Variants in PSG2 observed in about 807,000 individuals in gnomAD.
The protein encoded by PSG2 is pregnancy specific beta-1-glycoprotein 2, also known as pregnancy-specific beta-1-glycoprotein 2.
A neutral mutation model predicts 36.2 loss-of-function variants in PSG2; 49 were observed. That is an observed-to-expected ratio of 1.35 (90% CI 1.08 to 1.72). The LOEUF (loss-of-function observed/expected upper bound fraction) is 1.72. Among genes scored for constraint, PSG2 ranks in the 40% most tolerant of loss-of-function variants. The pLI is 0.00. For missense variants in PSG2, 605 were observed against 407.2 expected, an observed-to-expected ratio of 1.49 and a Z score of -4.18; for synonymous variants, 261 against 155.6, an observed-to-expected ratio of 1.68 and a Z score of -5.04.
At chr19:43,076,153 C>T (rs1967893010) in intron 2 of PSG2, among the ~76,000 whole-genome samples, 1 of 151,802 alleles carries the variant, frequency 6.6e-6, no homozygotes, top group Non-Finnish European at 1.5e-5. Flanking sequence ...GCATAAATAA[C>T]ACAGGGGAGA....
intron 3 of PSG2, chr19:43,072,558 T>A (rs1249260489): frequency 4.3e-6 from 7 of 1,611,380 alleles, no homozygotes; most frequent in East Asian, 2.2e-5. Flanking sequence ...GGTTCACAGG[T>A]GAAGGCTAAT....
chr19:43,073,347 G>A (rs4302150), intron 3 of PSG2, among the ~76,000 whole-genome samples: 1 of 151,462 alleles, frequency 6.6e-6, no homozygotes, highest in Admixed American at 6.6e-5. Flanking sequence ...TGGAGCAGAA[G>A]CATGTTCCCT....
At chr19:43,070,566 A>G (rs1261874354) in intron 4 of PSG2, among the ~76,000 whole-genome samples, 1 of 151,782 alleles carries the variant, frequency 6.6e-6, no homozygotes, top group Non-Finnish European at 1.5e-5. Flanking sequence ...AACCTTGAAG[A>G]TATTATGCTA....
chr19:43,071,100 C>T (rs1282393143), intron 4 of PSG2, among the ~76,000 whole-genome samples: 2 of 151,472 alleles, frequency 1.3e-5, no homozygotes, highest in Non-Finnish European at 2.9e-5. Flanking sequence ...GGAGGCTTGG[C>T]TTCAACTGGC....
chr19:43,079,684 G>C (rs1455874630), intron 2 of PSG2, among the ~76,000 whole-genome samples: 1 of 151,628 alleles, frequency 6.6e-6, no homozygotes, highest in African/African-American at 2.4e-5. Context: ...GCCTGCTCAT[G>C]TTTTTTGCAC....
chr19:43,071,728 GC>G lies in PSG2; in HGVS notation c.935del (p.Ser312ThrfsTer5), dbSNP rs1227303437. 5 of 1,612,856 alleles carry G rather than the reference GC, an allele frequency of 3.1e-6. No individual in the cohort carries two copies. The African/African-American group carries it at 6.7e-5, about 22-fold the overall frequency. On this transcript the variant is annotated frameshift_variant, in exon 4 of 6. Transcript: ENST00000406487. LOFTEE classifies it high-confidence loss of function. Reference protein sequence around the residue: ...SVRNSATGEESSTSLTVKVSA... With the variant: ...SVRNSATGEEXSTSLTVKVSA... ...AGACTTTGACTGTCAACGATGTGGA[GC>G]TTTCCTCGCCAGTGGCTGAGTTACG...
chr19:43,068,684 A>G (rs1464758552), intron 4 of PSG2, among the ~76,000 whole-genome samples: 1 of 151,668 alleles, frequency 6.6e-6, no homozygotes, highest in Non-Finnish European at 1.5e-5. Flanking sequence ...ATATTTTTTC[A>G]TAAGAAAAAC....
chr19:43,077,625 T>G (rs140825968), intron 2 of PSG2, among the ~76,000 whole-genome samples: 3,097 of 151,724 alleles, frequency 0.02, 139 homozygotes, highest in East Asian at 0.096. Flanking sequence ...GCACAGGCAG[T>G]AAAACCATCA....
At chr19:43,066,022 G>A (rs1456078622) in intron 5 of PSG2, 2 of 158,154 alleles carry the variant, frequency 1.3e-5, no homozygotes, top group Admixed American at 6.0e-5. Flanking sequence ...GAAGTGAGAA[G>A]CCTTAGTAAA....
At chr19:43,067,352 C>T (rs1967754066) in intron 4 of PSG2, among the ~76,000 whole-genome samples, 1 of 151,278 alleles carries the variant, frequency 6.6e-6, no homozygotes, top group African/African-American at 2.4e-5. Flanking sequence ...TAAATACTAA[C>T]ATACCAGGCT....
At chr19:43,077,263 G>A (rs1436216943) in intron 2 of PSG2, among the ~76,000 whole-genome samples, 1 of 151,630 alleles carries the variant, frequency 6.6e-6, no homozygotes, top group Non-Finnish European at 1.5e-5. Flanking sequence ...GAAATTAGCA[G>A]CTCCTTAAGT....
In PSG2 at chr19:43,068,399, A is replaced by T. The variant is rs940445005; in HGVS notation, c.965-1799T>A. Among the ~76,000 whole-genome samples, 14 of 150,776 alleles carry T rather than the reference A, an allele frequency of 9.3e-5. 1 individual carries two copies. The East Asian group carries it at 1.2e-3, about 13-fold the overall frequency. On this transcript the variant is annotated intron_variant, in intron 4 of 5. Transcript: ENST00000406487. ...GGCTGCAGTGAGCCATAATCACACA[A>T]CTGTATTCCATCCTGGGCTGGCCTA... is the stretch of plus-strand genomic sequence containing the variant.
intron 2 of PSG2, among the ~76,000 whole-genome samples, chr19:43,079,252 A>C (rs1275055559): frequency 6.6e-6 from 1 of 151,454 alleles, no homozygotes; most frequent in Non-Finnish European, 1.5e-5. Context: ...GACCCCAGGG[A>C]CCAGCTGCCC....
At chr19:43,081,519 G>C (rs1390365716) in intron 1 of PSG2, among the ~76,000 whole-genome samples, 2 of 151,136 alleles carry the variant, frequency 1.3e-5, no homozygotes, top group Non-Finnish European at 1.5e-5. Flanking sequence ...TTTCTGTTTG[G>C]AATCCTCTTC....
intron 4 of PSG2, among the ~76,000 whole-genome samples, chr19:43,070,943 A>G (rs1169868586): frequency 2.0e-5 from 3 of 151,566 alleles, no homozygotes; most frequent in African/African-American, 7.3e-5. Flanking sequence ...CTATTTCTCT[A>G]GCTCTGCATC....
chr19:43,075,503 A>T lies in PSG2; in HGVS notation c.560T>A (p.Leu187His). The change falls in exon 3 of 6, where the codon CTC (leucine) becomes CAC (histidine). Residue 187 changes from leucine (L) to histidine (H), a missense_variant. Transcript: ENST00000406487. ...CAGCTGAAACCTATGAGTCATAGGG[A>T]GGCTCTGACCATTCATCCACCACTG... ...SYQWWMNGQSLPMTHRFQLSE... is the reference protein window; with the variant it reads ...SYQWWMNGQSHPMTHRFQLSE... 6.2e-7 allele frequency: 1 copy of T among 1,613,224 alleles called. No homozygotes were observed. The highest frequency in any genetic ancestry group is 8.5e-7 in the Non-Finnish European group (1 of 1,179,718).
intron 3 of PSG2, among the ~76,000 whole-genome samples, chr19:43,073,677 G>A (rs1204271472): frequency 2.6e-5 from 4 of 151,628 alleles, no homozygotes; most frequent in Admixed American, 6.6e-5. Flanking sequence ...GGAGCTGGGA[G>A]TGGGGAGAAT....
At chr19:43,065,254 G>C (rs113964837) in intron 5 of PSG2, among the ~76,000 whole-genome samples, 1 of 151,318 alleles carries the variant, frequency 6.6e-6, no homozygotes, top group Non-Finnish European at 1.5e-5. Context: ...TGGCTTTTCC[G>C]TTCAGCTTCT....
At position 43,081,902 on chromosome 19, in the gene PSG2, T is replaced by C. The variant is rs187598804; in HGVS notation, c.64+604A>G. 1.5e-3 allele frequency: 227 copies of C among 154,040 alleles called. 3 individuals carry two copies. Among genetic ancestry groups the C allele is most frequent in the Non-Finnish European group, 2.9e-3 (200 of 68,994 alleles). The allele number at this position is 154,040 out of a possible 1,614,324, so 9.5% of individuals were successfully genotyped here. The stretch of plus-strand genomic sequence containing the variant: ...AGGACAGTGTTTCACGTCCTGCTTA[T>C]ATTTTTATTTGAAGTGTCATCTGAT... On this transcript the variant is annotated intron_variant, in intron 1 of 5. Coordinates refer to ENST00000406487, the MANE Select transcript of PSG2 (RefSeq NM_031246.4).
Sources: gnomAD v4.1 joint callset for allele counts (sites outside exome capture counted in the v4.1 genomes callset) on GRCh38, gnomAD v4.1.1 for gene constraint, MANE v1.5 for transcripts, NCBI Gene and HGNC (gene_info 2026-07-23, HGNC 2026-07-21) for gene names.